MDN1: variants seen among roughly 807,000 people sequenced by gnomAD.
MDN1 encodes midasin.
MDN1 carries 266 observed loss-of-function variants against 669.2 expected under a neutral mutation model. The ratio of observed to expected loss-of-function variants is 0.40; its 90% CI spans 0.36 to 0.44. The LOEUF (loss-of-function observed/expected upper bound fraction) is 0.44, where lower values mean the gene tolerates loss of function less well. Among genes scored for constraint, MDN1 ranks in the 20% least tolerant of loss-of-function variants. The pLI is 1.00. For synonymous variants in MDN1, 2,385 were observed against 2,457.1 expected (o/e 0.97, Z 0.87); for missense variants, 5,940 against 6,754.0 (o/e 0.88, Z 4.22).
Position 89,819,740 on chromosome 6 carries a change from C to T in MDN1, c.-133G>A. 1 of 696,544 alleles carries T rather than the reference C, an allele frequency of 1.4e-6. No homozygotes were observed. The highest frequency in any genetic ancestry group is 2.5e-6 in the Non-Finnish European group (1 of 401,186). 43.1% of individuals were successfully genotyped at this position (696,544 alleles called of 1,614,324 possible). On this transcript the variant is annotated 5_prime_UTR_variant, in exon 1 of 102. An upstream open reading frame in the 5' UTR loses its in-frame stop. Transcript: ENST00000369393. ...GGAAAGGCGTCCTCAGCTCCAGCGC[C>T]TACACCGGGAGAGGGGCACCACACG...
In MDN1 at chr6:89,750,294, T is replaced by G; in HGVS notation, c.3406+60A>C. The G allele has an allele frequency of 2.0e-6, 3 of 1,480,114 alleles. No homozygotes were observed. The Admixed American group carries it at 5.6e-5, about 28-fold the overall frequency. The allele number at this position is 1,480,114 out of a possible 1,614,324, so 91.7% of individuals were successfully genotyped here. A position where few individuals can be genotyped will look rare whatever the true frequency, so the allele number is the denominator to read the frequency against. On this transcript the variant is annotated intron_variant, in intron 24 of 101. Coordinates refer to ENST00000369393, the MANE Select transcript of MDN1 (RefSeq NM_014611.3). ...ATTGGAAAGGATGAAGAATATTACT[T>G]AAGGAAATGTGTGTGAAAGAATAAA...
intron 1 of MDN1, among the ~76,000 whole-genome samples, chr6:89,813,160 G>C (rs555716387): frequency 6.6e-6 from 1 of 152,206 alleles, no homozygotes; most frequent in Admixed American, 6.5e-5. Context: ...GGCTGGTCTC[G>C]AACTCCCAAC....
intron 5 of MDN1, 22 bp downstream of exon 5, chr6:89,793,739 AC>A: frequency 6.3e-7 from 1 of 1,592,082 alleles, no homozygotes; most frequent in East Asian, 2.2e-5. Context: ...AAGGGGACAC[AC>A]CCCCTACTGA....
chr6:89,682,440 G>A (rs1034495444), intron 73 of MDN1, among the ~76,000 whole-genome samples: 7 of 152,134 alleles, frequency 4.6e-5, no homozygotes, highest in African/African-American at 1.7e-4. Context: ...CAGGAGCGGT[G>A]GCTCCCGCCT....
At position 89,690,260 on chromosome 6, in the gene MDN1, T is replaced by C. The variant is rs1217446847; in HGVS notation, c.10750-117A>G. The stretch of plus-strand genomic sequence containing the variant: ...CTGAAAAAATGAAATAGGACTAATA[T>C]ATGTATTAAAATATATTTTAAAAGA... On this transcript the variant is annotated intron_variant, in intron 64 of 101. Coordinates refer to ENST00000369393, the MANE Select transcript of MDN1 (RefSeq NM_014611.3). 4.7e-6 allele frequency: 5 copies of C among 1,072,590 alleles called. No homozygotes were observed. In the East Asian group the frequency reaches 1.3e-4, roughly 28 times the overall value. 66.4% of individuals were successfully genotyped at this position (1,072,590 alleles called of 1,614,324 possible).
rs374304793 is a variant in MDN1, at chr6:89,803,554, C to T, written c.103G>A (p.Val35Met). The T allele has an allele frequency of 1.4e-5, 23 of 1,600,536 alleles. No individual in the cohort carries two copies. The highest frequency in any genetic ancestry group is 2.0e-5 in the Non-Finnish European group (23 of 1,172,248). ...CACTGGCGATCTTGAGGTGTCCACACCTGAGAAAGGCAAAACAAAACATCT... is the reference window on the plus strand; with the variant it reads ...CACTGGCGATCTTGAGGTGTCCACATCTGAGAAAGGCAAAACAAAACATCT... ...SELGRFLAKQ[V>M]WTPQDRQCVL... is the part of the protein sequence containing the mutation. Residue 35 changes from valine to methionine, a missense_variant and splice_region_variant, in exon 2 of 102, where the codon GTG becomes ATG. This residue lies in a region of MDN1 where 1,203 missense variants were observed against 1,268.9 expected (regional missense o/e 0.95). Transcript: ENST00000369393.
intron 90 of MDN1, 86 bp downstream of exon 90, chr6:89,658,123 C>T: frequency 2.0e-6 from 3 of 1,512,174 alleles, no homozygotes; most frequent in Non-Finnish European, 2.7e-6. Flanking sequence ...CATAAACCAA[C>T]TAATGCTACA....
chr6:89,690,220 A>C (rs193008538), intron 64 of MDN1, 77 bp from the exon 65 acceptor site: 454 of 1,448,362 alleles, frequency 3.1e-4, no homozygotes, highest in Admixed American at 1.5e-3. Context: ...AAGAAAGAAA[A>C]AAGCATAAGA....
At chr6:89,712,825 T>C in intron 47 of MDN1, 39 bp from the exon 48 acceptor site, 1 of 1,576,040 alleles carries the variant, frequency 6.3e-7, no homozygotes. Flanking sequence ...GGTACCAACA[T>C]AAAAGTGATA....
rs1460023723 is a variant in MDN1 at position 89,674,201 on chromosome 6, T to C, written c.13150A>G (p.Thr4384Ala). 1.9e-6 allele frequency: 3 copies of C among 1,614,108 alleles called. No individual in the cohort carries two copies. The highest frequency in any genetic ancestry group is 1.3e-5 in the African/African-American group (1 of 74,934). ...RKQDHLWQQS[T>A]TRLTEMLKTI... The stretch of plus-strand genomic sequence containing the variant: ...TTTAGCATCTCTGTTAATCTCGTAG[T>C]TGACTGTTGCCAAAGGTGATCCTGT... The change falls in exon 79 of 102, where the codon ACT becomes GCT. Residue 4384 changes from threonine to alanine, a missense_variant. Coordinates refer to ENST00000369393, the MANE Select transcript of MDN1 (RefSeq NM_014611.3).
In MDN1 at chr6:89,658,275, C is replaced by T. The variant is rs778405112; in HGVS notation, c.15117G>A (p.Glu5039=). ...EHASCGQTGV[E]NMQNTQAMEL... ...CCATGGCCTGTGTGTTCTGCATGTTCTCCACACCAGTCTGCCCACAGGAGG... is the reference window on the plus strand; with the variant it reads ...CCATGGCCTGTGTGTTCTGCATGTTTTCCACACCAGTCTGCCCACAGGAGG... Residue 5039 remains glutamate (E), a synonymous_variant, in exon 90 of 102, where the codon GAG becomes GAA. Coordinates refer to ENST00000369393, the MANE Select transcript of MDN1 (RefSeq NM_014611.3). 6.8e-6 allele frequency: 11 copies of T among 1,614,120 alleles called. No individual in the cohort carries two copies. Among genetic ancestry groups the T allele is most frequent in the Non-Finnish European group, 9.3e-6 (11 of 1,180,060 alleles).
intron 75 of MDN1, 51 bp downstream of exon 75, chr6:89,678,548 T>A: frequency 6.3e-7 from 1 of 1,585,856 alleles, no homozygotes; most frequent in East Asian, 2.2e-5. Flanking sequence ...GTCATTTCTC[T>A]CCCTAAAAGT....
chr6:89,816,211 C>T (rs1415583919), intron 1 of MDN1, among the ~76,000 whole-genome samples: 1 of 151,518 alleles, frequency 6.6e-6, no homozygotes, highest in Non-Finnish European at 1.5e-5. Flanking sequence ...ACCAGCCTGG[C>T]TAACATGGTG....
Position 89,664,538 on chromosome 6 carries a change from T to A in MDN1, c.14185A>T (p.Met4729Leu). 1 of 1,614,088 alleles carries A rather than the reference T, an allele frequency of 6.2e-7. No individual in the cohort carries two copies. The highest frequency in any genetic ancestry group is 1.1e-5 in the South Asian group (1 of 91,068). The change falls in exon 85 of 102, where the codon ATG (methionine) becomes TTG (leucine). Residue 4729 changes from methionine to leucine, a missense_variant. Physicochemically the swap from Met to Leu is conservative, Grantham distance 15 (BLOSUM62 2). Transcript: ENST00000369393. ...ATTTTCCCATCAAAATCTTCCGACATCTCAATGGCATTATCCTCGCCCTTA... is the reference window on the plus strand; with the variant it reads ...ATTTTCCCATCAAAATCTTCCGACAACTCAATGGCATTATCCTCGCCCTTA... ...DIKGEDNAIE[M>L]SEDFDGKMHD...
chr6:89,686,995 T>C lies in MDN1; in HGVS notation c.11479A>G (p.Met3827Val), dbSNP rs879213420. 7 of 1,602,202 alleles carry C rather than the reference T, an allele frequency of 4.4e-6. No homozygotes were observed. The highest frequency in any genetic ancestry group is 1.7e-5 in the Admixed American group (1 of 58,998). ...GTGGATTTCTCGGTGTGGCGCTTCA[T>C]AGTATTATCCAAACTCATGGACCAG... ...NCWSMSLDNTMKRHTEKSTKH... is the reference protein window; with the variant it reads ...NCWSMSLDNTVKRHTEKSTKH... Residue 3827 changes from methionine (M) to valine (V), a missense_variant, in exon 69 of 102, where the codon ATG becomes GTG. Around this residue, in one of 5 missense-constraint regions of MDN1, gnomAD observed 2,280 missense variants for 2,576.3 expected, o/e 0.88. Transcript: ENST00000369393.
At chr6:89,775,891 G>A (rs1475899354) in intron 12 of MDN1, among the ~76,000 whole-genome samples, 1 of 151,918 alleles carries the variant, frequency 6.6e-6, no homozygotes, top group Non-Finnish European at 1.5e-5. Context: ...GTTTCACAGT[G>A]TTGGCCAGGC....
rs1234470455 is a variant in MDN1, at chr6:89,785,055, G to T, written c.1406C>A (p.Thr469Asn). The change falls in exon 9 of 102, where the codon ACC (threonine) becomes AAC (asparagine). Residue 469 changes from threonine to asparagine, a missense_variant. Thr to Asn is a moderately conservative substitution (Grantham distance 65, BLOSUM62 0). Coordinates refer to ENST00000369393, the MANE Select transcript of MDN1 (RefSeq NM_014611.3). ...SHATLLDKYW[T>N]KIHLDNLDKR... ...ATCCAGGTTATCCAGGTGAATTTTG[G>T]TCCAATATTTGTCTAGCAAAGTAGC... 5 of 1,613,874 alleles carry T rather than the reference G, an allele frequency of 3.1e-6. No individual in the cohort carries two copies. In the South Asian group the frequency reaches 4.4e-5, roughly 14 times the overall value.
chr6:89,746,908 C>G (rs1385234334), intron 27 of MDN1, among the ~76,000 whole-genome samples: 1 of 152,166 alleles, frequency 6.6e-6, no homozygotes, highest in Non-Finnish European at 1.5e-5. Context: ...AACAACAAAA[C>G]CTGAGTCTCA....
chr6:89,672,072 C>G, intron 82 of MDN1, 128 bp downstream of exon 82: 1 of 929,960 alleles, frequency 1.1e-6, no homozygotes, highest in Non-Finnish European at 1.5e-6. Context: ...ATAAAGAGAC[C>G]AAGTTCTTAG....
Sources: allele counts gnomAD v4.1 joint callset (sites outside exome capture counted in the v4.1 genomes callset), GRCh38; gene constraint gnomAD v4.1.1; regional missense constraint gnomAD v4.1.1; transcripts MANE v1.5; gene names NCBI Gene and HGNC (gene_info 2026-07-23, HGNC 2026-07-21).